The following FKBP15 variants were observed in gnomAD, a reference collection of about 807,000 sequenced individuals.
FKBP15 encodes the protein FKBP prolyl isomerase family member 15, also known as FK506-binding protein 15.
Under a neutral mutation model 158.1 loss-of-function variants are expected in FKBP15, and 106 were observed. The observed-to-expected ratio is 0.67, with a 90% confidence interval of 0.57 to 0.79. The LOEUF is 0.79. Ranked by LOEUF, FKBP15 falls within the 30% of genes least tolerant of loss-of-function variation. The pLI is 0.00. For missense variants in FKBP15, 1,287 were observed against 1,479.1 expected (o/e 0.87, Z 2.13); for synonymous variants, 547 against 548.6 (o/e 1.00, Z 0.04).
At chr9:113,168,972 G>T (rs1314271711) in intron 26 of FKBP15, among the ~76,000 whole-genome samples, 2 of 151,738 alleles carry the variant, frequency 1.3e-5, no homozygotes, top group Non-Finnish European at 2.9e-5. Flanking sequence ...CTATCACAGG[G>T]CCCACCACAC....
intron 18 of FKBP15, among the ~76,000 whole-genome samples, chr9:113,183,100 T>C (rs1830428910): frequency 6.6e-6 from 1 of 151,652 alleles, no homozygotes; most frequent in African/African-American, 2.4e-5. Context: ...AGGACAACAA[T>C]GTGAATGGTG....
Position 113,194,106 on chromosome 9 carries a change from G to C in FKBP15, c.928C>G (p.Pro310Ala), listed in dbSNP as rs1487007379. The change falls in exon 10 of 28, where the codon CCG becomes GCG. Residue 310 changes from proline to alanine, a missense_variant. Transcript: ENST00000238256. ...TTGTCAGCACCAGGGATGGGAGACGGAGCTGCAGAATCGCGGGAACTAACA... is the reference window on the plus strand; with the variant it reads ...TTGTCAGCACCAGGGATGGGAGACGCAGCTGCAGAATCGCGGGAACTAACA... Reference protein sequence around the residue: ...HSVSSRDSAAPSPIPGADNLS... With the variant: ...HSVSSRDSAAASPIPGADNLS... The C allele has an allele frequency of 6.2e-7, 1 of 1,613,468 alleles. No homozygotes were observed.
intron 4 of FKBP15, among the ~76,000 whole-genome samples, chr9:113,204,163 C>T: frequency 6.6e-6 from 1 of 152,068 alleles, no homozygotes; most frequent in East Asian, 1.9e-4. Context: ...CCGCAACCTC[C>T]ACCTCCCAGG....
intron 24 of FKBP15, 146 bp from the exon 25 acceptor site, chr9:113,170,775 C>T: frequency 1.5e-6 from 1 of 683,342 alleles, no homozygotes; most frequent in Non-Finnish European, 2.6e-6. Context: ...ACACTGAAGG[C>T]TGTCACTGTG....
chr9:113,180,638 T>C (rs1293315355), intron 19 of FKBP15, among the ~76,000 whole-genome samples: 1 of 152,138 alleles, frequency 6.6e-6, no homozygotes, highest in African/African-American at 2.4e-5. Flanking sequence ...AGGAAAATAG[T>C]ACTCAAGAGA....
chr9:113,220,630 C>G (rs190496431), intron 1 of FKBP15, among the ~76,000 whole-genome samples: 1 of 152,220 alleles, frequency 6.6e-6, no homozygotes, highest in Non-Finnish European at 1.5e-5. Context: ...TAAGCAGTCC[C>G]TGTCCGGTGA....
chr9:113,210,687 A>G (rs1212318148), intron 2 of FKBP15, among the ~76,000 whole-genome samples: 1 of 152,176 alleles, frequency 6.6e-6, no homozygotes, highest in Non-Finnish European at 1.5e-5. Context: ...AAAGGAGATT[A>G]ACATCTGAGT....
In FKBP15 at chr9:113,196,920, A is replaced by C. The variant is rs1384197517; in HGVS notation, c.864+12T>G. 6.2e-7 allele frequency: 1 copy of C among 1,613,180 alleles called. No individual in the cohort carries two copies. The highest frequency in any genetic ancestry group is 2.2e-5 in the East Asian group (1 of 44,854). On this transcript the variant is annotated intron_variant, in intron 9 of 27. Transcript: ENST00000238256. Reference sequence around the variant, plus strand: ...AGGACTCATCAAACAAAACACAGAGAGTTTCACTCACCCGCCTAACCTCCA... The same window carrying C: ...AGGACTCATCAAACAAAACACAGAGCGTTTCACTCACCCGCCTAACCTCCA...
At chr9:113,174,403 T>C in intron 22 of FKBP15, 25 bp downstream of exon 22, 1 of 1,609,822 alleles carries the variant, frequency 6.2e-7, no homozygotes, top group African/African-American at 1.3e-5. Flanking sequence ...CCCTCTATTT[T>C]CAAAGTGCTT....
intron 9 of FKBP15, 25 bp downstream of exon 9, chr9:113,196,907 A>C (rs1370776404): frequency 6.2e-7 from 1 of 1,610,644 alleles, no homozygotes; most frequent in Admixed American, 1.7e-5. Context: ...GACTCATCAA[A>C]CAAAACACAG....
chr9:113,178,837 T>C lies in FKBP15; in HGVS notation c.1915-36A>G, dbSNP rs767788902. 8 of 1,562,122 alleles carry C rather than the reference T, an allele frequency of 5.1e-6. No individual in the cohort carries two copies. The African/African-American group carries it at 5.4e-5, about 11-fold the overall frequency. On this transcript the variant is annotated intron_variant, in intron 19 of 27. Coordinates refer to ENST00000238256, the MANE Select transcript of FKBP15 (RefSeq NM_015258.2). ...ACAAAGTATGATGTCACTTTAAACA[T>C]AGGTGTTCTCCATGCAGGTGATGAA...
chr9:113,206,950 G>A (rs1830900093), intron 3 of FKBP15: 2 of 448,620 alleles, frequency 4.5e-6, no homozygotes, highest in Non-Finnish European at 4.0e-6. Context: ...TATCATTCAT[G>A]CTATCTCAGT....
At chr9:113,203,591 A>C (rs1830834182) in intron 4 of FKBP15, among the ~76,000 whole-genome samples, 1 of 150,670 alleles carries the variant, frequency 6.6e-6, no homozygotes, top group Non-Finnish European at 1.5e-5. Context: ...GCAGTGGCGC[A>C]ATCTCGGCTC....
Position 113,188,420 on chromosome 9 carries a change from G to C in FKBP15, c.1245C>G (p.Ala415=), listed in dbSNP as rs1289497990. 1.2e-6 allele frequency: 2 copies of C among 1,613,788 alleles called. No homozygotes were observed. Residue 415 remains alanine, a synonymous_variant, in exon 13 of 28, where the codon GCC becomes GCG. Transcript: ENST00000238256. The part of the protein sequence containing the change: ...TPSVQPSLHP[A]HPALPQMTSQ... ...AGGTCATCTGTGGTAACGCTGGATG[G>C]GCCGGATGAAGAGAGGGCTGGACGG...
intron 3 of FKBP15, chr9:113,206,843 A>G: frequency 2.2e-6 from 1 of 461,638 alleles, no homozygotes; most frequent in Non-Finnish European, 3.9e-6. Context: ...CGGCCTCCCA[A>G]AGTGCTGGGA....
intron 1 of FKBP15, among the ~76,000 whole-genome samples, chr9:113,214,243 C>T (rs1387755636): frequency 2.6e-5 from 4 of 152,232 alleles, no homozygotes; most frequent in Admixed American, 2.6e-4. Context: ...GATCCACCCA[C>T]CTTGGCCTCC....
chr9:113,196,752 C>T (rs1830693331), intron 9 of FKBP15, among the ~76,000 whole-genome samples, 180 bp downstream of exon 9: 1 of 152,178 alleles, frequency 6.6e-6, no homozygotes, highest in Non-Finnish European at 1.5e-5. Context: ...GGACATAATA[C>T]TTTGGTCCTT....
intron 19 of FKBP15, among the ~76,000 whole-genome samples, chr9:113,180,077 G>C (rs2066920052): frequency 6.6e-6 from 1 of 152,174 alleles, no homozygotes; most frequent in Non-Finnish European, 1.5e-5. Flanking sequence ...TCTCTCATAA[G>C]GACTTGCAGC....
chr9:113,173,348 A>G (rs958959007), intron 23 of FKBP15, 105 bp downstream of exon 23: 1 of 1,196,908 alleles, frequency 8.4e-7, no homozygotes. Context: ...TGTCTTCTAG[A>G]TATTAATAAC....
Sources: allele counts gnomAD v4.1 joint callset (sites outside exome capture counted in the v4.1 genomes callset), GRCh38; gene constraint gnomAD v4.1.1; transcripts MANE v1.5; gene names NCBI Gene and HGNC (gene_info 2026-07-23, HGNC 2026-07-21).